The following SLC9A2 variants were observed in gnomAD, a reference collection of about 807,000 sequenced individuals.
SLC9A2 encodes sodium/hydrogen exchanger 2.
SLC9A2 carries 42 observed loss-of-function variants against 71.7 expected under a neutral mutation model. That is an observed-to-expected ratio of 0.59 (90% CI 0.46 to 0.76). SLC9A2 has a LOEUF of 0.76. Ranked by LOEUF, SLC9A2 falls within the 30% of genes least tolerant of loss-of-function variation. The probability of loss-of-function intolerance (pLI) is 0.00; values close to 1 mark genes in which losing one functional copy is unlikely to be tolerated. For missense variants in SLC9A2, 829 were observed against 1,017.4 expected (o/e 0.81, Z 2.52); for synonymous variants, 396 against 392.5 (o/e 1.01, Z -0.10).
intron 5 of SLC9A2, among the ~76,000 whole-genome samples, chr2:102,691,526 T>C (rs7564536): frequency 0.16 from 23,839 of 151,910 alleles, 1,986 homozygotes; most frequent in Middle Eastern, 0.21. Flanking sequence ...GCCTGCAAAA[T>C]AGATGGATTG....
chr2:102,657,938 G>A lies in SLC9A2; in HGVS notation c.664G>A (p.Val222Met). ...SLISAVDPVA[V>M]LAVFENIHVN... ...AATCTCAGCTGTCGATCCTGTGGCTGTGCTTGCTGTCTTTGAGAACATTCA... is the reference window on the plus strand; with the variant it reads ...AATCTCAGCTGTCGATCCTGTGGCTATGCTTGCTGTCTTTGAGAACATTCA... The change falls in exon 2 of 12, where the codon GTG (valine) becomes ATG (methionine). Residue 222 changes from valine to methionine, a missense_variant. Physicochemically the swap from Val to Met is conservative, Grantham distance 21 (BLOSUM62 1). Coordinates refer to ENST00000233969, the MANE Select transcript of SLC9A2 (RefSeq NM_003048.6). The A allele has an allele frequency of 6.2e-7, 1 of 1,614,186 alleles. No homozygotes were observed. The highest frequency in any genetic ancestry group is 8.5e-7 in the Non-Finnish European group (1 of 1,180,032).
rs1452076011 is a variant in SLC9A2 at position 102,632,093 on chromosome 2, CATATATATACATATATAT to C, written c.289+11957_289+11974del. Among the ~76,000 whole-genome samples the C allele has an allele frequency of 1.5e-3, 144 of 98,188 alleles. 2 individuals carry two copies. Among genetic ancestry groups the C allele is most frequent in the African/African-American group, 5.5e-3 (143 of 26,048 alleles). The allele number at this position is 98,188 out of a possible 152,430, so 64.4% of individuals were successfully genotyped here. On this transcript the variant is annotated intron_variant, in intron 1 of 11. Transcript: ENST00000233969. Reference sequence around the variant, plus strand: ...ATATATATACACACATATATATACACATATATATACATATATATGTATATATACATATATACATATATA... The same window carrying C: ...ATATATATACACACATATATATACACGTATATATACATATATACATATATA...
rs189211041 is a variant in SLC9A2 at position 102,646,487 on chromosome 2, A to T, written c.290-11077A>T. Among the ~76,000 whole-genome samples the T allele has an allele frequency of 3.3e-4, 50 of 152,320 alleles. 1 individual carries two copies. The highest frequency in any genetic ancestry group is 1.4e-3 in the Admixed American group (22 of 15,302). On this transcript the variant is annotated intron_variant, in intron 1 of 11. Transcript: ENST00000233969. Reference sequence around the variant, plus strand: ...TAAATATAAATGGGCTAAATGCCCCAATTAAAAGACACAGACTGGAAAATT... The same window carrying T: ...TAAATATAAATGGGCTAAATGCCCCTATTAAAAGACACAGACTGGAAAATT...
intron 1 of SLC9A2, among the ~76,000 whole-genome samples, chr2:102,651,378 T>C (rs1676831577): frequency 1.3e-5 from 2 of 152,202 alleles, no homozygotes; most frequent in African/African-American, 4.8e-5. Context: ...TGTCCTCATT[T>C]CTTACCTTGT....
chr2:102,674,654 G>A (rs1379042403), intron 3 of SLC9A2, among the ~76,000 whole-genome samples: 1 of 152,218 alleles, frequency 6.6e-6, no homozygotes, highest in Non-Finnish European at 1.5e-5. Context: ...AGCTGAAACA[G>A]TAGAGAGAAG....
intron 7 of SLC9A2, 127 bp downstream of exon 7, chr2:102,695,240 AT>A: frequency 1.5e-6 from 1 of 658,706 alleles, no homozygotes; most frequent in Non-Finnish European, 2.7e-6. Flanking sequence ...GTCCTCTAAG[AT>A]AAAGTTCAGC....
At chr2:102,640,312 T>A (rs1458758631) in intron 1 of SLC9A2, among the ~76,000 whole-genome samples, 1 of 152,194 alleles carries the variant, frequency 6.6e-6, no homozygotes, top group African/African-American at 2.4e-5. Flanking sequence ...AGCAGCCTGG[T>A]ATCCTAAAAT....
chr2:102,632,380 A>G (rs1676391985), intron 1 of SLC9A2, among the ~76,000 whole-genome samples: 1 of 150,896 alleles, frequency 6.6e-6, no homozygotes, highest in African/African-American at 2.4e-5. Flanking sequence ...GCATGTGTTT[A>G]TTACATTAAT....
intron 9 of SLC9A2, among the ~76,000 whole-genome samples, chr2:102,703,887 A>G (rs1322742605): frequency 6.6e-6 from 1 of 152,220 alleles, no homozygotes; most frequent in Admixed American, 6.5e-5. Context: ...AGCTCTCTTC[A>G]TGTAACAACC....
At position 102,665,153 on chromosome 2, in the gene SLC9A2, T is replaced by G; in HGVS notation, c.807T>G (p.Ile269Met). 6.2e-7 allele frequency: 1 copy of G among 1,614,056 alleles called. No homozygotes were observed. Among genetic ancestry groups the G allele is most frequent in the Middle Eastern group, 1.7e-4 (1 of 6,060 alleles). Reference protein sequence around the residue: ...SFCQMKTIETIDVFAGIANFF... With the variant: ...SFCQMKTIETMDVFAGIANFF... ...GCCAGATGAAAACCATTGAGACCATTGATGTGTTTGCAGGAATCGCCAACT... is the reference window on the plus strand; with the variant it reads ...GCCAGATGAAAACCATTGAGACCATGGATGTGTTTGCAGGAATCGCCAACT... The change falls in exon 3 of 12, where the codon ATT becomes ATG. Residue 269 changes from isoleucine to methionine, a missense_variant. This residue lies in a region of SLC9A2 where 500 missense variants were observed against 726.3 expected (regional missense o/e 0.69). Transcript: ENST00000233969.
chr2:102,700,912 C>T (rs1365417250), intron 7 of SLC9A2, among the ~76,000 whole-genome samples, 158 bp from the exon 8 acceptor site: 1 of 151,984 alleles, frequency 6.6e-6, no homozygotes, highest in Non-Finnish European at 1.5e-5. Flanking sequence ...TACATATATA[C>T]AGGTAGGCAC....
chr2:102,709,987 GTTCTCCACCCC>G lies in SLC9A2; in HGVS notation c.*1508_*1518del, dbSNP rs1678073550. On this transcript the variant is annotated 3_prime_UTR_variant, in exon 12 of 12. Coordinates refer to ENST00000233969, the MANE Select transcript of SLC9A2 (RefSeq NM_003048.6). ...ATTAAGACAAAAATCCTCAGCAGTT[GTTCTCCACCCC>G]TTCTCCACCTCCACCAGCAAGGAGA... The G allele has an allele frequency of 6.6e-6, 1 of 152,558 alleles. No homozygotes were observed. The highest frequency in any genetic ancestry group is 2.4e-5 in the African/African-American group (1 of 41,424). The allele number at this position is 152,558 out of a possible 1,614,324, so 9.5% of individuals were successfully genotyped here.
At chr2:102,669,747 A>G (rs754906160) in intron 3 of SLC9A2, among the ~76,000 whole-genome samples, 16 of 152,208 alleles carry the variant, frequency 1.1e-4, no homozygotes, top group Non-Finnish European at 1.9e-4. Context: ...TTCTTTACCC[A>G]AGGACACTAA....
At chr2:102,625,158 C>A (rs1045447522) in intron 1 of SLC9A2, among the ~76,000 whole-genome samples, 5 of 152,158 alleles carry the variant, frequency 3.3e-5, no homozygotes, top group Admixed American at 2.6e-4. Flanking sequence ...AAGCCTCCAT[C>A]TTCTCCCAGT....
At position 102,709,020 on chromosome 2, in the gene SLC9A2, A is replaced by G. The variant is rs1394931814; in HGVS notation, c.*531A>G. The G allele has an allele frequency of 6.5e-6, 1 of 154,302 alleles. No individual in the cohort carries two copies. The highest frequency in any genetic ancestry group is 6.5e-5 in the Admixed American group (1 of 15,444). 9.6% of individuals were successfully genotyped at this position (154,302 alleles called of 1,614,324 possible). On this transcript the variant is annotated 3_prime_UTR_variant, in exon 12 of 12. Coordinates refer to ENST00000233969, the MANE Select transcript of SLC9A2 (RefSeq NM_003048.6). ...ATGGAGCAGCCGGTAAGTGAAGAGC[A>G]CAGCTGGAAGCAGAGACACCTTATG...
At chr2:102,693,055 T>A (rs900027121) in intron 5 of SLC9A2, among the ~76,000 whole-genome samples, 1 of 149,424 alleles carries the variant, frequency 6.7e-6, no homozygotes, top group Admixed American at 6.7e-5. Flanking sequence ...TACTAGTATT[T>A]TATATATATA....
intron 5 of SLC9A2, among the ~76,000 whole-genome samples, chr2:102,685,350 G>A (rs1443922740): frequency 6.6e-6 from 1 of 152,234 alleles, no homozygotes; most frequent in Non-Finnish European, 1.5e-5. Context: ...CCCAGTGTAT[G>A]AAGCTTGGCG....
At chr2:102,644,751 TC>T (rs879505824) in intron 1 of SLC9A2, among the ~76,000 whole-genome samples, 1 of 152,092 alleles carries the variant, frequency 6.6e-6, no homozygotes, top group Non-Finnish European at 1.5e-5. Flanking sequence ...CTTTCTAGAT[TC>T]CTCCTCACTA....
chr2:102,621,283 G>A (rs796974826), intron 1 of SLC9A2, among the ~76,000 whole-genome samples: 9 of 149,868 alleles, frequency 6.0e-5, no homozygotes, highest in African/African-American at 2.0e-4. Context: ...AGGAGGTTGC[G>A]GTTGCAGTGA....
Sources: allele counts gnomAD v4.1 joint callset (sites outside exome capture counted in the v4.1 genomes callset), GRCh38; gene constraint gnomAD v4.1.1; regional missense constraint gnomAD v4.1.1; transcripts MANE v1.5; gene names NCBI Gene and HGNC (gene_info 2026-07-23, HGNC 2026-07-21).